Variants in ADAMTSL1 observed in about 807,000 individuals in gnomAD.
ADAMTSL1 encodes the protein ADAMTS like 1.
Under a neutral mutation model 201.8 loss-of-function variants are expected in ADAMTSL1, and 126 were observed. The observed-to-expected ratio is 0.62, with a 90% CI of 0.54 to 0.72. The LOEUF is 0.72. ADAMTSL1 is among the 30% of genes least tolerant of loss of function. The pLI is 0.00. For missense variants in ADAMTSL1, 2,679 were observed against 2,277.8 expected (o/e 1.18, Z -3.59); for synonymous variants, 1,121 against 903.4 (o/e 1.24, Z -4.32).
intron 2 of ADAMTSL1, among the ~76,000 whole-genome samples, chr9:18,204,457 A>G (rs1352494811): frequency 6.6e-6 from 1 of 152,016 alleles, no homozygotes; most frequent in Non-Finnish European, 1.5e-5. Context: ...AGTCTATTAA[A>G]GCTCTTTCCC....
chr9:18,859,123 G>A (rs1258843120), intron 23 of ADAMTSL1, among the ~76,000 whole-genome samples: 1 of 152,228 alleles, frequency 6.6e-6, no homozygotes, highest in Non-Finnish European at 1.5e-5. Context: ...CATAGATTTA[G>A]TGGCTTAAAA....
Position 18,448,122 on chromosome 9 carries a change from A to C in ADAMTSL1, c.208-56707A>C, listed in dbSNP as rs1203280436. ...AATAAACAAAACCCCAAGCCTCAGT[A>C]ATAAATTCTTTTATACACTTAGGAA... On this transcript the variant is annotated intron_variant, in intron 2 of 29. Coordinates refer to the ADAMTSL1 transcript ENST00000680146. Among the ~76,000 whole-genome samples, 7 of 152,214 alleles carry C rather than the reference A, an allele frequency of 4.6e-5. 1 individual carries two copies. Among genetic ancestry groups the C allele is most frequent in the Admixed American group, 4.6e-4 (7 of 15,278 alleles).
chr9:18,001,518 T>C (rs1022648252), intron 1 of ADAMTSL1, among the ~76,000 whole-genome samples: 2 of 152,030 alleles, frequency 1.3e-5, no homozygotes, highest in African/African-American at 2.4e-5. Flanking sequence ...CCATGGCACA[T>C]GGAGAAGGTG....
chr9:18,879,071 T>C (rs1016923333), intron 23 of ADAMTSL1, among the ~76,000 whole-genome samples: 2 of 152,232 alleles, frequency 1.3e-5, no homozygotes, highest in African/African-American at 4.8e-5. Context: ...GACCCCATCA[T>C]TGGCTTAGTT....
At chr9:18,108,036 A>G (rs1333701672) in intron 1 of ADAMTSL1, among the ~76,000 whole-genome samples, 1 of 152,138 alleles carries the variant, frequency 6.6e-6, no homozygotes, top group Non-Finnish European at 1.5e-5. Context: ...GATTTTTGAA[A>G]GTAGGTCTTT....
chr9:18,820,263 G>C (rs779625147), intron 21 of ADAMTSL1, among the ~76,000 whole-genome samples: 2 of 152,214 alleles, frequency 1.3e-5, no homozygotes, highest in Non-Finnish European at 2.9e-5. Context: ...AGGAGCCACA[G>C]ATAAACAAGA....
At chr9:18,780,038 C>G (rs1821294638) in intron 19 of ADAMTSL1, among the ~76,000 whole-genome samples, 1 of 152,204 alleles carries the variant, frequency 6.6e-6, no homozygotes, top group East Asian at 1.9e-4. Flanking sequence ...GTCATCAGGA[C>G]TCTGCTCAGC....
At chr9:18,115,012 G>A (rs1038565050) in intron 1 of ADAMTSL1, among the ~76,000 whole-genome samples, 1 of 152,108 alleles carries the variant, frequency 6.6e-6, no homozygotes, top group South Asian at 2.1e-4. Context: ...TAATTGAATC[G>A]ATTCAGGGTG....
At chr9:18,131,401 G>A (rs1350636891) in intron 1 of ADAMTSL1, among the ~76,000 whole-genome samples, 1 of 152,102 alleles carries the variant, frequency 6.6e-6, no homozygotes, top group Non-Finnish European at 1.5e-5. Context: ...TGAAGTCAAG[G>A]TTGTATGAGT....
intron 2 of ADAMTSL1, among the ~76,000 whole-genome samples, chr9:18,182,769 C>G (rs528052312): frequency 3.3e-5 from 5 of 152,304 alleles, no homozygotes; most frequent in African/African-American, 1.2e-4. Context: ...TGATTAACCA[C>G]CTTATCAAGG....
intron 1 of ADAMTSL1, among the ~76,000 whole-genome samples, chr9:18,115,207 T>C (rs192081424): frequency 2.0e-5 from 3 of 152,312 alleles, no homozygotes; most frequent in East Asian, 1.9e-4. Flanking sequence ...CGAAATCCTA[T>C]TGAACATCTT....
At chr9:18,873,301 A>C (rs1827969101) in intron 23 of ADAMTSL1, among the ~76,000 whole-genome samples, 1 of 152,094 alleles carries the variant, frequency 6.6e-6, no homozygotes, top group Non-Finnish European at 1.5e-5. Context: ...TTTTTAGTTT[A>C]ATTAGGTTCC....
At chr9:18,234,412 T>C (rs1830760847) in intron 2 of ADAMTSL1, among the ~76,000 whole-genome samples, 1 of 151,650 alleles carries the variant, frequency 6.6e-6, no homozygotes, top group Non-Finnish European at 1.5e-5. Context: ...CTGACATTTC[T>C]TGAGCTTCTG....
intron 1 of ADAMTSL1, among the ~76,000 whole-genome samples, chr9:18,118,474 T>A (rs1825358444): frequency 6.6e-6 from 1 of 152,288 alleles, no homozygotes; most frequent in South Asian, 2.1e-4. Context: ...GTTGTTAGGA[T>A]CATCCCTAAA....
At chr9:18,599,524 G>A (rs1308683181) in intron 4 of ADAMTSL1, among the ~76,000 whole-genome samples, 1 of 152,158 alleles carries the variant, frequency 6.6e-6, no homozygotes, top group Non-Finnish European at 1.5e-5. Flanking sequence ...TGCTCTCTTA[G>A]GCAGTGGGTA....
chr9:18,352,988 T>C (rs954056804), intron 2 of ADAMTSL1, among the ~76,000 whole-genome samples: 3 of 152,170 alleles, frequency 2.0e-5, no homozygotes, highest in African/African-American at 7.2e-5. Flanking sequence ...GGTAGAGATT[T>C]CTTGGATGGC....
intron 19 of ADAMTSL1, 110 bp downstream of exon 19, chr9:18,778,016 C>A: frequency 1.4e-6 from 2 of 1,407,722 alleles, no homozygotes; most frequent in Non-Finnish European, 1.9e-6. Flanking sequence ...GGGCTTAGAG[C>A]TGGCCTCGGG....
intron 14 of ADAMTSL1, among the ~76,000 whole-genome samples, chr9:18,719,637 T>C (rs1292849581): frequency 6.6e-6 from 1 of 152,238 alleles, no homozygotes; most frequent in Non-Finnish European, 1.5e-5. Context: ...GTGTTGGGAT[T>C]ACAGGCATGA....
chr9:18,830,711 TG>T (rs900694094), intron 23 of ADAMTSL1, among the ~76,000 whole-genome samples: 5 of 151,982 alleles, frequency 3.3e-5, no homozygotes, highest in Non-Finnish European at 7.4e-5. Context: ...AGAATTCTTC[TG>T]CCTTCAAAAG....
Sources: allele counts gnomAD v4.1 joint callset (sites outside exome capture counted in the v4.1 genomes callset), GRCh38; gene constraint gnomAD v4.1.1; transcripts MANE v1.5; gene names NCBI Gene and HGNC (gene_info 2026-07-23, HGNC 2026-07-21).